Variants in TRPC6 observed in about 807,000 individuals in gnomAD.
TRPC6 encodes short transient receptor potential channel 6.
A neutral mutation model predicts 90.7 loss-of-function variants in TRPC6; 55 were observed. The ratio of observed to expected loss-of-function variants is 0.61; its 90% confidence interval spans 0.49 to 0.76. TRPC6 has a LOEUF of 0.76. Among genes scored for constraint, TRPC6 ranks in the 30% least tolerant of loss-of-function variants. The pLI is 0.00. For missense variants in TRPC6, 989 were observed against 1,122.7 expected (o/e 0.88, Z 1.70); for synonymous variants, 393 against 393.0 (o/e 1.00, Z 0.00).
At chr11:101,539,399 G>C (rs1056918386) in intron 1 of TRPC6, among the ~76,000 whole-genome samples, 1 of 152,176 alleles carries the variant, frequency 6.6e-6, no homozygotes, top group Non-Finnish European at 1.5e-5. Context: ...ATCTATTGCT[G>C]TGCGGAGCTA....
At position 101,583,598 on chromosome 11, in the gene TRPC6, C is replaced by G; in HGVS notation, c.-95G>C. On this transcript the variant is annotated 5_prime_UTR_variant, in exon 1 of 13. Transcript: ENST00000344327. Reference sequence around the variant, plus strand: ...GGTGCGGAGGGTTCGCGTCAGCGGCCGAACTGGACCTGGGCAGACCGGTGC... The same window carrying G: ...GGTGCGGAGGGTTCGCGTCAGCGGCGGAACTGGACCTGGGCAGACCGGTGC... The G allele has an allele frequency of 7.5e-7, 1 of 1,340,078 alleles. No individual in the cohort carries two copies. The allele number at this position is 1,340,078 out of a possible 1,614,324, so 83.0% of individuals were successfully genotyped here.
intron 1 of TRPC6, among the ~76,000 whole-genome samples, chr11:101,529,073 A>G (rs1860849756): frequency 6.6e-6 from 1 of 152,136 alleles, no homozygotes; most frequent in Non-Finnish European, 1.5e-5. Flanking sequence ...GTGTTTTCTA[A>G]GGAATTCCCA....
rs776767402 is a variant in TRPC6 at position 101,473,545 on chromosome 11, T to C, written c.1973A>G (p.Tyr658Cys). Residue 658 changes from tyrosine (Y) to cysteine (C), a missense_variant, in exon 7 of 13, where the codon TAC becomes TGC. Tyr to Cys is a radical substitution (Grantham distance 194). This residue lies in a region of TRPC6 where 118 missense variants were observed against 197.6 expected (regional missense o/e 0.60). Coordinates refer to ENST00000344327, the MANE Select transcript of TRPC6 (RefSeq NM_004621.6). ...FMIGMFNLYSYYIGAKQNEAF... is the reference protein window; with the variant it reads ...FMIGMFNLYSCYIGAKQNEAF... ...TTCATTTTGTTTTGCACCAATGTAG[T>C]AGGAGTAGAGATTGAACATTCCAAT... 1.2e-6 allele frequency: 2 copies of C among 1,613,536 alleles called. No homozygotes were observed. The highest frequency in any genetic ancestry group is 1.7e-6 in the Non-Finnish European group (2 of 1,179,668).
Position 101,504,152 on chromosome 11 carries a change from T to C in TRPC6, c.817A>G (p.Arg273Gly). Residue 273 changes from arginine (R) to glycine (G), a missense_variant, in exon 2 of 13, where the codon AGG (arginine) becomes GGG (glycine). Arg to Gly is a moderately radical substitution (Grantham distance 125, BLOSUM62 -2). Around this residue, in one of 4 missense-constraint regions of TRPC6, gnomAD observed 486 missense variants for 591.9 expected, o/e 0.82. Transcript: ENST00000344327. ...GCCAGGCCTTTATAGGCATTAATCC[T>C]AGATCTGGAGTGGCTAAACGAGTCA... is the stretch of plus-strand genomic sequence containing the variant. The part of the protein sequence containing the change: ...KHDSFSHSRS[R>G]INAYKGLASP... 1 of 1,614,172 alleles carries C rather than the reference T, an allele frequency of 6.2e-7. No homozygotes were observed. Among genetic ancestry groups the C allele is most frequent in the Non-Finnish European group, 8.5e-7 (1 of 1,179,996 alleles).
At position 101,554,153 on chromosome 11, in the gene TRPC6, C is replaced by T. The variant is rs142711302; in HGVS notation, c.170+29181G>A. On this transcript the variant is annotated intron_variant, in intron 1 of 12. Transcript: ENST00000344327. The stretch of plus-strand genomic sequence containing the variant: ...AATAAAGAGGAAGGAGAAATCAGTG[C>T]TCCAGGCAGACAGACCAGTATATTC... Among the ~76,000 whole-genome samples, 358 of 152,194 alleles carry T rather than the reference C, an allele frequency of 2.4e-3. 2 individuals carry two copies. Among genetic ancestry groups the T allele is most frequent in the Middle Eastern group, 0.014 (4 of 294 alleles).
At chr11:101,503,390 G>A (rs1860176837) in intron 2 of TRPC6, among the ~76,000 whole-genome samples, 1 of 152,068 alleles carries the variant, frequency 6.6e-6, no homozygotes, top group South Asian at 2.1e-4. Context: ...AATCCTACTT[G>A]TTCCACCATA....
rs1859741881 is a variant in TRPC6 at position 101,489,025 on chromosome 11, G to T, written c.1205C>A (p.Thr402Lys). 1 of 1,614,074 alleles carries T rather than the reference G, an allele frequency of 6.2e-7. No homozygotes were observed. Among genetic ancestry groups the T allele is most frequent in the African/African-American group, 1.3e-5 (1 of 74,940 alleles). ...GACCACAAGGAACTTGACCGCCATTGTCTGCTGTCGTAAACCAGAAAGATT... is the reference window on the plus strand; with the variant it reads ...GACCACAAGGAACTTGACCGCCATTTTCTGCTGTCGTAAACCAGAAAGATT... ...YENLSGLRQQ[T>K]MAVKFLVVLA... The change falls in exon 4 of 13, where the codon ACA (threonine) becomes AAA (lysine). Residue 402 changes from threonine to lysine, a missense_variant. This residue lies in a region of TRPC6 where 486 missense variants were observed against 591.9 expected (regional missense o/e 0.82). Transcript: ENST00000344327.
At chr11:101,475,346 T>C (rs1859386387) in intron 6 of TRPC6, among the ~76,000 whole-genome samples, 1 of 152,190 alleles carries the variant, frequency 6.6e-6, no homozygotes, top group Admixed American at 6.5e-5. Context: ...TTTTCATATA[T>C]GTCTGTCTAC....
chr11:101,455,627 A>C (rs570455731), intron 10 of TRPC6: 1 of 152,700 alleles, frequency 6.5e-6, no homozygotes, highest in African/African-American at 2.4e-5. Context: ...CCATTTGGGC[A>C]GCACTTTTCA....
At chr11:101,555,776 T>A (rs1861549126) in intron 1 of TRPC6, among the ~76,000 whole-genome samples, 1 of 152,108 alleles carries the variant, frequency 6.6e-6, no homozygotes, top group Admixed American at 6.6e-5. Flanking sequence ...ATGTGGAGAA[T>A]TTTATATAAA....
chr11:101,481,525 C>G (rs1387349820), intron 5 of TRPC6, among the ~76,000 whole-genome samples: 3 of 152,146 alleles, frequency 2.0e-5, no homozygotes, highest in African/African-American at 7.2e-5. Flanking sequence ...TTTCATTCCT[C>G]CAGTCCCAGG....
rs777333211 is a variant in TRPC6 at position 101,504,664 on chromosome 11, A to G, written c.305T>C (p.Phe102Ser). The change falls in exon 2 of 13, where the codon TTT becomes TCT. Residue 102 changes from phenylalanine (F) to serine (S), a missense_variant. By Grantham distance (155) the Phe-to-Ser change is radical. Around this residue, in one of 4 missense-constraint regions of TRPC6, gnomAD observed 486 missense variants for 591.9 expected, o/e 0.82. Coordinates refer to ENST00000344327, the MANE Select transcript of TRPC6 (RefSeq NM_004621.6). ...STSLSIEEER[F>S]LDAAEYGNIP... ...GTTACCATATTCAGCTGCATCCAAAAAGCGTTCCTCCTCTATAGATAGGCT... is the reference window on the plus strand; with the variant it reads ...GTTACCATATTCAGCTGCATCCAAAGAGCGTTCCTCCTCTATAGATAGGCT... 6 of 1,605,110 alleles carry G rather than the reference A, an allele frequency of 3.7e-6. No individual in the cohort carries two copies. The South Asian group carries it at 6.7e-5, about 18-fold the overall frequency.
At chr11:101,486,021 C>A (rs1428083602) in intron 4 of TRPC6, among the ~76,000 whole-genome samples, 1 of 152,026 alleles carries the variant, frequency 6.6e-6, no homozygotes, top group African/African-American at 2.4e-5. Context: ...AGTATCAATC[C>A]AGGCATCTTC....
chr11:101,533,513 G>A (rs958606781), intron 1 of TRPC6, among the ~76,000 whole-genome samples: 1 of 152,130 alleles, frequency 6.6e-6, no homozygotes, highest in Non-Finnish European at 1.5e-5. Context: ...CCCACCTCTA[G>A]AATTGGAGAC....
chr11:101,540,116 A>T (rs1280713532), intron 1 of TRPC6, among the ~76,000 whole-genome samples: 1 of 152,256 alleles, frequency 6.6e-6, no homozygotes, highest in Admixed American at 6.5e-5. Context: ...TGTGAACAAC[A>T]CATATGTGTA....
chr11:101,499,764 TATATATATATACACAGTATAAA>T, intron 2 of TRPC6, among the ~76,000 whole-genome samples: 1 of 484 alleles, frequency 2.1e-3, no homozygotes, highest in Non-Finnish European at 0.033. Context: ...ATAATGTGTA[TATATATATATACACAGTATAAA>T]ATGTGTATAT....
At chr11:101,557,654 G>A (rs765922794) in intron 1 of TRPC6, among the ~76,000 whole-genome samples, 3 of 151,662 alleles carry the variant, frequency 2.0e-5, no homozygotes, top group Non-Finnish European at 4.4e-5. Flanking sequence ...TATAACAAAT[G>A]AATACAGTAA....
intron 1 of TRPC6, among the ~76,000 whole-genome samples, chr11:101,551,666 C>A (rs977745041): frequency 6.6e-6 from 1 of 151,912 alleles, no homozygotes; most frequent in Non-Finnish European, 1.5e-5. Context: ...ATTAATGATT[C>A]AAAAACTTTC....
At chr11:101,529,270 T>C (rs1208841116) in intron 1 of TRPC6, among the ~76,000 whole-genome samples, 2 of 152,024 alleles carry the variant, frequency 1.3e-5, no homozygotes, top group Non-Finnish European at 2.9e-5. Flanking sequence ...ATATAGTCGA[T>C]TAACTAGGAG....
Sources: allele counts gnomAD v4.1 joint callset (sites outside exome capture counted in the v4.1 genomes callset), GRCh38; gene constraint gnomAD v4.1.1; regional missense constraint gnomAD v4.1.1; transcripts MANE v1.5; gene names NCBI Gene and HGNC (gene_info 2026-07-23, HGNC 2026-07-21).